KCNK13: variants seen among roughly 807,000 people sequenced by gnomAD.
KCNK13 encodes the protein potassium channel subfamily K member 13.
Under a neutral mutation model 23.4 loss-of-function variants are expected in KCNK13, and 12 were observed. The observed-to-expected ratio is 0.51, with a 90% CI of 0.33 to 0.83. The LOEUF is 0.83. Ranked by LOEUF, KCNK13 falls within the 40% of genes least tolerant of loss-of-function variation. The pLI is 0.02. For synonymous variants in KCNK13, 231 were observed against 229.5 expected, an observed-to-expected ratio of 1.01 and a Z score of -0.06; for missense variants, 463 against 556.3, an observed-to-expected ratio of 0.83 and a Z score of 1.69.
At chr14:90,122,991 C>T (rs1377932694) in intron 1 of KCNK13, among the ~76,000 whole-genome samples, 2 of 152,132 alleles carry the variant, frequency 1.3e-5, no homozygotes, top group African/African-American at 2.4e-5. Flanking sequence ...TTAACTTAGC[C>T]GAGATCACAT....
chr14:90,128,385 A>AG (rs1889828019), intron 1 of KCNK13, among the ~76,000 whole-genome samples: 1 of 152,180 alleles, frequency 6.6e-6, no homozygotes, highest in South Asian at 2.1e-4. Flanking sequence ...GGCATTTTTC[A>AG]GGGGCCTCTT....
At chr14:90,077,622 A>T (rs1045036643) in intron 1 of KCNK13, among the ~76,000 whole-genome samples, 1 of 151,908 alleles carries the variant, frequency 6.6e-6, no homozygotes, top group Non-Finnish European at 1.5e-5. Flanking sequence ...TCTTTTCTCC[A>T]TTGTCTGATG....
rs1555401790 is a variant in KCNK13 at position 90,087,156 on chromosome 14, T to TATATA, written c.334+24617_334+24618insATATA. ...TATATATATATATATATATATATATTTTTTTTTTTTATTGAGATGGGGCCT... is the reference window on the plus strand; with the variant it reads ...TATATATATATATATATATATATATTATATATTTTTTTTTTATTGAGATGGGGCCT... On this transcript the variant is annotated intron_variant, in intron 1 of 1. Coordinates refer to ENST00000282146, the MANE Select transcript of KCNK13 (RefSeq NM_022054.4). Among the ~76,000 whole-genome samples the TATATA allele has an allele frequency of 3.4e-3, 398 of 117,590 alleles. 2 individuals are homozygous for TATATA. Among genetic ancestry groups the TATATA allele is most frequent in the African/African-American group, 0.012 (359 of 30,516 alleles). 77.1% of individuals were successfully genotyped at this position (117,590 alleles called of 152,430 possible). A position where few individuals can be genotyped will look rare whatever the true frequency, so the allele number is the denominator to read the frequency against.
intron 1 of KCNK13, among the ~76,000 whole-genome samples, chr14:90,110,608 C>T (rs1445229893): frequency 6.6e-6 from 1 of 152,128 alleles, no homozygotes; most frequent in African/African-American, 2.4e-5. Context: ...TAAGGAGTCT[C>T]ATAGTGCCTC....
At chr14:90,088,026 A>G (rs553762797) in intron 1 of KCNK13, among the ~76,000 whole-genome samples, 4 of 152,184 alleles carry the variant, frequency 2.6e-5, no homozygotes, top group Middle Eastern at 6.8e-3. Context: ...TTTTTGAGAC[A>G]GAGTCTCGCT....
intron 1 of KCNK13, among the ~76,000 whole-genome samples, chr14:90,136,759 C>G (rs1889941377): frequency 6.6e-6 from 1 of 152,066 alleles, no homozygotes. Context: ...ATGGAGAAAG[C>G]CTGGCGAGAG....
chr14:90,072,049 G>T (rs761209326), intron 1 of KCNK13, among the ~76,000 whole-genome samples: 1 of 152,128 alleles, frequency 6.6e-6, no homozygotes, highest in East Asian at 1.9e-4. Context: ...TGCCGAGGAC[G>T]GTGGGGAAAA....
chr14:90,163,508 A>G (rs899346653), intron 1 of KCNK13, among the ~76,000 whole-genome samples: 1 of 152,094 alleles, frequency 6.6e-6, no homozygotes, highest in East Asian at 1.9e-4. Context: ...ATGGATAACA[A>G]TGACTTCACC....
In KCNK13 at chr14:90,131,879, G is replaced by A. The variant is rs75487269; in HGVS notation, c.335-52232G>A. 2.5e-3 allele frequency among the ~76,000 whole-genome samples: 386 copies of A among 152,306 alleles called. 1 individual carries two copies. Among genetic ancestry groups the A allele is most frequent in the African/African-American group, 8.7e-3 (361 of 41,576 alleles). On this transcript the variant is annotated intron_variant, in intron 1 of 1. Transcript: ENST00000282146. ...GGCTACAGAAAACAGTATGGTGGGTGCCCCCAAAATGAAACAGAGTTACCA... is the reference window on the plus strand; with the variant it reads ...GGCTACAGAAAACAGTATGGTGGGTACCCCCAAAATGAAACAGAGTTACCA...
chr14:90,070,057 A>C (rs1200745536), intron 1 of KCNK13, among the ~76,000 whole-genome samples: 1 of 152,240 alleles, frequency 6.6e-6, no homozygotes, highest in Non-Finnish European at 1.5e-5. Context: ...AAATCATATC[A>C]TACATATTGA....
In KCNK13 at chr14:90,174,352, C is replaced by T. The variant is rs112262616; in HGVS notation, c.335-9759C>T. 5.3e-3 allele frequency among the ~76,000 whole-genome samples: 806 copies of T among 152,146 alleles called. 13 individuals are homozygous for T. The highest frequency in any genetic ancestry group is 0.018 in the African/African-American group (753 of 41,510). On this transcript the variant is annotated intron_variant, in intron 1 of 1. Coordinates refer to ENST00000282146, the MANE Select transcript of KCNK13 (RefSeq NM_022054.4). ...AAATAAATAAATAAAACCATCAGAT[C>T]TCATGAGAACTCCCTCACTATCATG...
Position 90,145,554 on chromosome 14 carries a change from CTTT to C in KCNK13, c.335-38551_335-38549del, listed in dbSNP as rs892261237. Among the ~76,000 whole-genome samples, 3 of 151,150 alleles carry C rather than the reference CTTT, an allele frequency of 2.0e-5. 1 individual carries two copies. Among genetic ancestry groups the C allele is most frequent in the African/African-American group, 7.3e-5 (3 of 41,172 alleles). On this transcript the variant is annotated intron_variant, in intron 1 of 1. Transcript: ENST00000282146. ...GAGAGATACTAGTATGTACTTTTGT[CTTT>C]TTTTTCTTTATGTTGGAGTAATGCT...
At chr14:90,166,273 T>C (rs1442531359) in intron 1 of KCNK13, among the ~76,000 whole-genome samples, 1 of 152,230 alleles carries the variant, frequency 6.6e-6, no homozygotes, top group Non-Finnish European at 1.5e-5. Flanking sequence ...AAGAACTGTA[T>C]TGATAGCGGT....
intron 1 of KCNK13, among the ~76,000 whole-genome samples, chr14:90,067,777 A>G (rs1889025834): frequency 1.3e-5 from 2 of 152,176 alleles, no homozygotes; most frequent in South Asian, 4.1e-4. Context: ...TCTTCTGTGA[A>G]TATCTTTTCT....
intron 1 of KCNK13, among the ~76,000 whole-genome samples, chr14:90,140,768 T>A (rs898875937): frequency 2.0e-5 from 3 of 152,190 alleles, no homozygotes; most frequent in Non-Finnish European, 4.4e-5. Context: ...AGTTCCTTGA[T>A]GAGAAATAAA....
At chr14:90,109,642 C>T (rs1283505973) in intron 1 of KCNK13, among the ~76,000 whole-genome samples, 1 of 151,760 alleles carries the variant, frequency 6.6e-6, no homozygotes, top group Non-Finnish European at 1.5e-5. Context: ...GATCTCCTGA[C>T]CTCGTGATCC....
At chr14:90,152,091 T>C (rs1890139488) in intron 1 of KCNK13, among the ~76,000 whole-genome samples, 1 of 152,188 alleles carries the variant, frequency 6.6e-6, no homozygotes, top group Admixed American at 6.5e-5. Flanking sequence ...AATCCTCACA[T>C]GTTGTGGGAG....
At chr14:90,080,904 C>G (rs1192763643) in intron 1 of KCNK13, among the ~76,000 whole-genome samples, 1 of 152,154 alleles carries the variant, frequency 6.6e-6, no homozygotes, top group African/African-American at 2.4e-5. Context: ...TGGGGCAGTC[C>G]TGTGCATCCT....
intron 1 of KCNK13, among the ~76,000 whole-genome samples, chr14:90,106,789 A>G (rs972434623): frequency 1.3e-5 from 2 of 152,108 alleles, no homozygotes; most frequent in African/African-American, 2.4e-5. Flanking sequence ...TGGGAGGCCA[A>G]GGTGCATGGA....
Sources: allele counts gnomAD v4.1 joint callset (sites outside exome capture counted in the v4.1 genomes callset), GRCh38; gene constraint gnomAD v4.1.1; transcripts MANE v1.5; gene names NCBI Gene and HGNC (gene_info 2026-07-23, HGNC 2026-07-21).